RBPMS: variants seen among roughly 807,000 people sequenced by gnomAD.
The protein encoded by RBPMS is RNA-binding protein with multiple splicing.
In RBPMS, 7 loss-of-function variants were observed where a neutral mutation model predicts 26.8. The observed-to-expected ratio is 0.26, with a 90% CI of 0.15 to 0.49. RBPMS has a LOEUF of 0.49. Ranked by LOEUF, RBPMS falls within the 20% of genes least tolerant of loss-of-function variation. RBPMS has a pLI of 0.98. For synonymous variants in RBPMS, 96 were observed against 93.3 expected (o/e 1.03, Z -0.17); for missense variants, 186 against 250.0 (o/e 0.74, Z 1.73).
intron 1 of RBPMS, among the ~76,000 whole-genome samples, chr8:30,417,934 C>T (rs971634448): frequency 2.6e-5 from 4 of 152,098 alleles, no homozygotes; most frequent in South Asian, 4.1e-4. Flanking sequence ...TCATGAAACA[C>T]GATATGTACG....
At chr8:30,507,662 A>G (rs2150945687) in intron 5 of RBPMS, among the ~76,000 whole-genome samples, 1 of 152,280 alleles carries the variant, frequency 6.6e-6, no homozygotes, top group East Asian at 1.9e-4. Flanking sequence ...GATCTGTGAG[A>G]AAGCGGGAGT....
At chr8:30,529,947 G>A (rs1416981229) in intron 5 of RBPMS, among the ~76,000 whole-genome samples, 1 of 151,996 alleles carries the variant, frequency 6.6e-6, no homozygotes. Context: ...TAGAGACAGG[G>A]TTTCACCGTG....
At chr8:30,439,380 G>C (rs1052728321) in intron 1 of RBPMS, among the ~76,000 whole-genome samples, 3 of 152,142 alleles carry the variant, frequency 2.0e-5, no homozygotes, top group African/African-American at 7.2e-5. Flanking sequence ...TTTCCAAGAA[G>C]TACAAAAGTA....
At chr8:30,498,085 C>T (rs534984694) in intron 4 of RBPMS, among the ~76,000 whole-genome samples, 2 of 150,904 alleles carry the variant, frequency 1.3e-5, no homozygotes, top group South Asian at 4.2e-4. Context: ...TACTACCTTA[C>T]TATTTTTATC....
intron 4 of RBPMS, among the ~76,000 whole-genome samples, chr8:30,495,440 C>T (rs998461611): frequency 3.9e-5 from 6 of 151,968 alleles, no homozygotes; most frequent in South Asian, 2.1e-4. Context: ...TCCATGGGCA[C>T]GTATACCACA....
At chr8:30,419,085 GAACT>G (rs1213221823) in intron 1 of RBPMS, among the ~76,000 whole-genome samples, 1 of 139,120 alleles carries the variant, frequency 7.2e-6, no homozygotes, top group African/African-American at 2.9e-5. Context: ...AAAAAAAACA[GAACT>G]AATAAACTTC....
chr8:30,457,973 G>A (rs1015041340), intron 1 of RBPMS, among the ~76,000 whole-genome samples: 5 of 152,122 alleles, frequency 3.3e-5, no homozygotes, highest in Admixed American at 1.3e-4. Flanking sequence ...CAGTATTTGT[G>A]GGGGGATCGG....
At chr8:30,414,215 CT>C (rs1286080433) in intron 1 of RBPMS, among the ~76,000 whole-genome samples, 6 of 149,774 alleles carry the variant, frequency 4.0e-5, no homozygotes, top group Non-Finnish European at 8.9e-5. Context: ...TGATACACTT[CT>C]TTTCGCCAGG....
intron 6 of RBPMS, among the ~76,000 whole-genome samples, chr8:30,549,835 C>G (rs1174335678): frequency 3.1e-4 from 35 of 112,714 alleles, no homozygotes; most frequent in Non-Finnish European, 5.6e-4. Flanking sequence ...TCTTTTCTTT[C>G]TTTTCTTTCT....
At chr8:30,411,674 A>AG (rs1809425423) in intron 1 of RBPMS, among the ~76,000 whole-genome samples, 2 of 138,500 alleles carry the variant, frequency 1.4e-5, no homozygotes, top group Non-Finnish European at 3.1e-5. Context: ...GAAAAAAAAA[A>AG]AAAAAAAAAA....
chr8:30,471,259 G>A (rs565197244), intron 1 of RBPMS, among the ~76,000 whole-genome samples: 52 of 152,076 alleles, frequency 3.4e-4, no homozygotes, highest in Admixed American at 1.8e-3. Flanking sequence ...TTCCTTGAAC[G>A]TCATTTTTAT....
intron 4 of RBPMS, among the ~76,000 whole-genome samples, chr8:30,486,912 T>A (rs562776935): frequency 6.6e-6 from 1 of 152,340 alleles, no homozygotes; most frequent in East Asian, 1.9e-4. Context: ...TGTTTAAACT[T>A]ACATAATTTT....
At chr8:30,534,647 C>T (rs957781042) in intron 5 of RBPMS, among the ~76,000 whole-genome samples, 2 of 152,116 alleles carry the variant, frequency 1.3e-5, no homozygotes, top group African/African-American at 4.8e-5. Flanking sequence ...GAATTCCTCA[C>T]GTGGCTCACA....
rs925234843 is a variant in RBPMS at position 30,505,086 on chromosome 8, C to A, written c.397+650C>A. 4.6e-5 allele frequency among the ~76,000 whole-genome samples: 7 copies of A among 152,330 alleles called. No homozygotes were observed. The South Asian group carries it at 1.2e-3, about 27-fold the overall frequency. On this transcript the variant is annotated intron_variant, in intron 5 of 8. Coordinates refer to ENST00000397323, the MANE Select transcript of RBPMS (RefSeq NM_001008710.3). ...AAGCTTATTTCATTATATGTCCAGA[C>A]TACCATTTCTGCCTTTCCCTGAATA...
chr8:30,442,372 T>G (rs933592246), intron 1 of RBPMS, among the ~76,000 whole-genome samples: 3 of 152,128 alleles, frequency 2.0e-5, no homozygotes, highest in Admixed American at 6.5e-5. Context: ...TGGCCCTTCG[T>G]TTTGTTGCAC....
chr8:30,513,568 A>G (rs1821956923), intron 5 of RBPMS, among the ~76,000 whole-genome samples: 1 of 140,518 alleles, frequency 7.1e-6, no homozygotes, highest in African/African-American at 2.7e-5. Context: ...AGCCTGGGCG[A>G]CACAGCGAGA....
chr8:30,470,580 C>T (rs1490882680), intron 1 of RBPMS, among the ~76,000 whole-genome samples: 1 of 152,118 alleles, frequency 6.6e-6, no homozygotes, highest in African/African-American at 2.4e-5. Flanking sequence ...GAATCAAATA[C>T]ATAATGTAAG....
chr8:30,506,790 G>A (rs887068660), intron 5 of RBPMS, among the ~76,000 whole-genome samples: 2 of 152,134 alleles, frequency 1.3e-5, no homozygotes, highest in Admixed American at 6.6e-5. Context: ...AAAAGCACTC[G>A]TTGCCATCAC....
At chr8:30,436,850 T>C (rs1004728898) in intron 1 of RBPMS, among the ~76,000 whole-genome samples, 5 of 152,114 alleles carry the variant, frequency 3.3e-5, no homozygotes, top group Non-Finnish European at 7.3e-5. Flanking sequence ...GGGCACGTAA[T>C]AAATATTTCC....
Sources: allele counts gnomAD v4.1 joint callset (sites outside exome capture counted in the v4.1 genomes callset), GRCh38; gene constraint gnomAD v4.1.1; transcripts MANE v1.5; gene names NCBI Gene and HGNC (gene_info 2026-07-23, HGNC 2026-07-21).